The following SMOC1 variants were observed in gnomAD, a reference collection of about 807,000 sequenced individuals.
The protein encoded by SMOC1 is SPARC related modular calcium binding 1, also known as SPARC-related modular calcium-binding protein 1.
Under a neutral mutation model 56.3 loss-of-function variants are expected in SMOC1, and 22 were observed. The observed-to-expected ratio is 0.39, with a 90% CI of 0.28 to 0.56. The LOEUF is 0.56. SMOC1 is among the 20% of genes least tolerant of loss of function. The pLI is 0.61. For missense variants in SMOC1, 509 were observed against 565.4 expected (o/e 0.90, Z 1.01); for synonymous variants, 193 against 215.0 (o/e 0.90, Z 0.89).
intron 1 of SMOC1, among the ~76,000 whole-genome samples, chr14:69,944,525 G>C (rs1269336252): frequency 6.6e-6 from 1 of 152,144 alleles, no homozygotes; most frequent in Non-Finnish European, 1.5e-5. Flanking sequence ...CATTATTTAC[G>C]ATGTTGAGGC....
At chr14:69,909,049 C>T (rs1594796724) in intron 1 of SMOC1, among the ~76,000 whole-genome samples, 1 of 152,214 alleles carries the variant, frequency 6.6e-6, no homozygotes, top group South Asian at 2.1e-4. Context: ...GTAGATTTAT[C>T]TCTTTGCTCC....
At chr14:69,953,565 C>T in intron 3 of SMOC1, 33 bp downstream of exon 3, 2 of 1,585,978 alleles carry the variant, frequency 1.3e-6, no homozygotes, top group Non-Finnish European at 1.7e-6. Context: ...TGGGCTCTTT[C>T]CTGGACCGAG....
At chr14:69,904,293 C>G (rs560556395) in intron 1 of SMOC1, among the ~76,000 whole-genome samples, 2 of 152,346 alleles carry the variant, frequency 1.3e-5, no homozygotes, top group South Asian at 4.1e-4. Flanking sequence ...GGAACTTCTT[C>G]CCACCTATGA....
intron 3 of SMOC1, among the ~76,000 whole-genome samples, chr14:69,968,421 G>A (rs75502095): frequency 6.6e-6 from 1 of 152,130 alleles, no homozygotes. Flanking sequence ...GGAGAGAGAT[G>A]TTCTTGGGGG....
At chr14:70,001,518 A>G (rs1451029075) in intron 7 of SMOC1, among the ~76,000 whole-genome samples, 3 of 152,170 alleles carry the variant, frequency 2.0e-5, no homozygotes, top group Admixed American at 2.0e-4. Context: ...CTATATGTGC[A>G]TATTTTTTTT....
At chr14:70,012,000 G>C (rs566772810) in intron 9 of SMOC1, among the ~76,000 whole-genome samples, 123 of 152,344 alleles carry the variant, frequency 8.1e-4, no homozygotes, top group African/African-American at 2.9e-3. Flanking sequence ...CATGGAGTGT[G>C]ACACAAGACA....
chr14:69,967,488 T>C (rs1883614509), intron 3 of SMOC1, among the ~76,000 whole-genome samples: 1 of 152,140 alleles, frequency 6.6e-6, no homozygotes, highest in African/African-American at 2.4e-5. Context: ...TCATCAGCTA[T>C]TGTTAGTGTT....
At chr14:69,919,650 T>G (rs1025075852) in intron 1 of SMOC1, among the ~76,000 whole-genome samples, 2 of 152,214 alleles carry the variant, frequency 1.3e-5, no homozygotes, top group Non-Finnish European at 2.9e-5. Context: ...CCAGTGGGAC[T>G]CAGATCTCAT....
intron 1 of SMOC1, among the ~76,000 whole-genome samples, chr14:69,896,043 T>G (rs750568338): frequency 1.8e-4 from 28 of 152,048 alleles, no homozygotes; most frequent in Non-Finnish European, 4.1e-4. Flanking sequence ...ACAGTCTTGC[T>G]ATATTGTCTA....
At chr14:69,943,205 G>A (rs117279567) in intron 1 of SMOC1, among the ~76,000 whole-genome samples, 2,702 of 152,290 alleles carry the variant, frequency 0.018, 40 homozygotes, top group Non-Finnish European at 0.026. Flanking sequence ...CCCTTTAATC[G>A]GGCATGCTGC....
intron 3 of SMOC1, among the ~76,000 whole-genome samples, chr14:69,969,342 G>A (rs1883677449): frequency 6.6e-6 from 1 of 152,140 alleles, no homozygotes. Flanking sequence ...GGCTGTACAG[G>A]AAGCATGATG....
chr14:70,020,917 G>C (rs1291219920), intron 10 of SMOC1, among the ~76,000 whole-genome samples: 1 of 152,200 alleles, frequency 6.6e-6, no homozygotes, highest in Non-Finnish European at 1.5e-5. Context: ...TCAATGGAGT[G>C]GCTGAAAGCT....
chr14:69,884,365 T>A (rs1883737283), intron 1 of SMOC1, among the ~76,000 whole-genome samples: 1 of 152,236 alleles, frequency 6.6e-6, no homozygotes, highest in African/African-American at 2.4e-5. Context: ...CCTTATCAGA[T>A]ATACAGTTTG....
chr14:69,910,195 T>C (rs1457713467), intron 1 of SMOC1, among the ~76,000 whole-genome samples: 3 of 152,262 alleles, frequency 2.0e-5, no homozygotes, highest in Non-Finnish European at 4.4e-5. Flanking sequence ...TTCTGTCAAC[T>C]GGTTCTGCAA....
chr14:69,988,289 CTT>C (rs11367943), intron 5 of SMOC1, among the ~76,000 whole-genome samples: 8 of 146,464 alleles, frequency 5.5e-5, no homozygotes, highest in Non-Finnish European at 3.0e-5. Context: ...TTTGAATTGG[CTT>C]TTTTTTTTTC....
In SMOC1 at chr14:70,030,383, T is replaced by C; in HGVS notation, c.*125T>C. 1 of 1,259,156 alleles carries C rather than the reference T, an allele frequency of 7.9e-7. No individual in the cohort carries two copies. The highest frequency in any genetic ancestry group is 1.1e-6 in the Non-Finnish European group (1 of 886,008). 78.0% of individuals were successfully genotyped at this position (1,259,156 alleles called of 1,614,324 possible). A position where few individuals can be genotyped will look rare whatever the true frequency, so the allele number is the denominator to read the frequency against. On this transcript the variant is annotated 3_prime_UTR_variant, in exon 12 of 12. Coordinates refer to ENST00000361956, the MANE Select transcript of SMOC1 (RefSeq NM_001034852.3). ...GTAACATAAGTGGTGCCCACCATGTTTGCACTTTTAATAACTCTTACTTGC... is the reference window on the plus strand; with the variant it reads ...GTAACATAAGTGGTGCCCACCATGTCTGCACTTTTAATAACTCTTACTTGC...
chr14:69,960,208 A>G (rs1883323129), intron 3 of SMOC1, among the ~76,000 whole-genome samples: 1 of 152,198 alleles, frequency 6.6e-6, no homozygotes, highest in African/African-American at 2.4e-5. Context: ...TGGGAGTCTA[A>G]TAGGAGTTCA....
At chr14:69,925,851 G>C (rs1157143647) in intron 1 of SMOC1, among the ~76,000 whole-genome samples, 2 of 152,146 alleles carry the variant, frequency 1.3e-5, no homozygotes, top group Non-Finnish European at 2.9e-5. Context: ...AGAATGGGCA[G>C]AGCAGGAAAT....
At chr14:69,986,192 T>A (rs903569519) in intron 5 of SMOC1, among the ~76,000 whole-genome samples, 5 of 152,184 alleles carry the variant, frequency 3.3e-5, no homozygotes, top group African/African-American at 1.2e-4. Flanking sequence ...TATATAACAG[T>A]CTAGAAATGA....
Sources: allele counts gnomAD v4.1 joint callset (sites outside exome capture counted in the v4.1 genomes callset), GRCh38; gene constraint gnomAD v4.1.1; transcripts MANE v1.5; gene names NCBI Gene and HGNC (gene_info 2026-07-23, HGNC 2026-07-21).